Variants in DNAJC1 observed in about 807,000 individuals in gnomAD.
DNAJC1 encodes DnaJ heat shock protein family (Hsp40) member C1.
A neutral mutation model predicts 76.6 loss-of-function variants in DNAJC1; 58 were observed. The ratio of observed to expected loss-of-function variants is 0.76; its 90% confidence interval spans 0.61 to 0.94. DNAJC1 has a LOEUF of 0.94. Ranked by LOEUF, DNAJC1 falls within the 40% of genes least tolerant of loss-of-function variation. The pLI, the probability that DNAJC1 is intolerant of heterozygous loss-of-function variation, is 0.00. For synonymous variants in DNAJC1, 258 were observed against 267.9 expected, an observed-to-expected ratio of 0.96 and a Z score of 0.36; for missense variants, 689 against 677.3, an observed-to-expected ratio of 1.02 and a Z score of -0.19.
intron 8 of DNAJC1, among the ~76,000 whole-genome samples, chr10:21,810,589 A>C (rs1189501762): frequency 6.6e-6 from 1 of 152,208 alleles, no homozygotes; most frequent in Non-Finnish European, 1.5e-5. Flanking sequence ...TTGCCTTTTT[A>C]AAATGGACCC....
chr10:21,804,054 C>A, intron 9 of DNAJC1: 1 of 658,342 alleles, frequency 1.5e-6, no homozygotes, highest in Non-Finnish European at 1.9e-6. Context: ...TTGACAGCAC[C>A]AAGACTACTC....
At chr10:21,878,126 G>C (rs982673748) in intron 8 of DNAJC1, among the ~76,000 whole-genome samples, 1 of 152,060 alleles carries the variant, frequency 6.6e-6, no homozygotes, top group Non-Finnish European at 1.5e-5. Context: ...TCTGGTTCTC[G>C]AGAACACTCC....
At chr10:21,898,294 A>C (rs573693976) in intron 7 of DNAJC1, among the ~76,000 whole-genome samples, 1 of 152,314 alleles carries the variant, frequency 6.6e-6, no homozygotes, top group Non-Finnish European at 1.5e-5. Context: ...TCCTCTCCAA[A>C]CTGAAATATA....
intron 9 of DNAJC1, among the ~76,000 whole-genome samples, chr10:21,796,176 G>T (rs1834749044): frequency 1.3e-5 from 2 of 151,838 alleles, no homozygotes; most frequent in Non-Finnish European, 2.9e-5. Context: ...CACCATGTTG[G>T]CCAGGCTGGT....
At chr10:21,801,806 C>T (rs1428734074) in intron 9 of DNAJC1, among the ~76,000 whole-genome samples, 1 of 152,034 alleles carries the variant, frequency 6.6e-6, no homozygotes, top group Non-Finnish European at 1.5e-5. Flanking sequence ...ACTATGCAGC[C>T]ACAAAAAAGA....
At chr10:21,889,625 C>T (rs1836427599) in intron 7 of DNAJC1, among the ~76,000 whole-genome samples, 1 of 151,988 alleles carries the variant, frequency 6.6e-6, no homozygotes, top group Non-Finnish European at 1.5e-5. Context: ...TCAAGAATAC[C>T]CACAGTGGTC....
intron 1 of DNAJC1, among the ~76,000 whole-genome samples, chr10:22,002,663 A>C (rs1346471832): frequency 6.6e-6 from 1 of 152,166 alleles, no homozygotes. Context: ...ACGAAGTACA[A>C]AGTAAGAAAA....
In DNAJC1 at chr10:21,911,161, T is replaced by TCCA. The variant is rs1356579503; in HGVS notation, c.730-6550_730-6549insTGG. Among the ~76,000 whole-genome samples the TCCA allele has an allele frequency of 2.0e-5, 3 of 151,912 alleles. No individual in the cohort carries two copies. In the East Asian group the frequency reaches 5.8e-4, roughly 30 times the overall value. ...GGTAGGGGGAGGGAAATACCACCTGTCCTGATGGGAATAAGGAACGTGGAA... is the reference window on the plus strand; with the variant it reads ...GGTAGGGGGAGGGAAATACCACCTGTCCACCTGATGGGAATAAGGAACGTGGAA... On this transcript the variant is annotated intron_variant, in intron 6 of 11. Transcript: ENST00000376980.
At chr10:21,841,423 C>G (rs1378215455) in intron 8 of DNAJC1, among the ~76,000 whole-genome samples, 1 of 152,118 alleles carries the variant, frequency 6.6e-6, no homozygotes, top group Non-Finnish European at 1.5e-5. Flanking sequence ...CAAACAACCC[C>G]CATCAACAAG....
intron 6 of DNAJC1, among the ~76,000 whole-genome samples, chr10:21,914,829 T>C (rs775642338): frequency 3.9e-5 from 6 of 152,232 alleles, no homozygotes; most frequent in Non-Finnish European, 5.9e-5. Context: ...TAAGTGTCTA[T>C]TCATCTTTCA....
chr10:21,970,421 T>C (rs1041719404), intron 1 of DNAJC1, among the ~76,000 whole-genome samples: 15 of 151,856 alleles, frequency 9.9e-5, no homozygotes, highest in African/African-American at 3.6e-4. Context: ...ACCAAAAAAT[T>C]TAAAAATAGC....
intron 7 of DNAJC1, among the ~76,000 whole-genome samples, chr10:21,901,512 A>T (rs1019605748): frequency 1.3e-4 from 20 of 152,358 alleles, no homozygotes; most frequent in African/African-American, 4.8e-4. Context: ...TTAAAAGTTT[A>T]TAATAAAAAG....
intron 9 of DNAJC1, among the ~76,000 whole-genome samples, chr10:21,784,944 T>A (rs185907607): frequency 6.6e-6 from 1 of 152,024 alleles, no homozygotes; most frequent in African/African-American, 2.4e-5. Context: ...GAGATATACC[T>A]AATATAAATG....
intron 3 of DNAJC1, among the ~76,000 whole-genome samples, chr10:21,928,132 A>G (rs1007953711): frequency 5.9e-5 from 9 of 152,080 alleles, no homozygotes; most frequent in South Asian, 2.1e-4. Context: ...AATGGGGGGG[A>G]AAAGCACCAA....
At chr10:21,805,951 C>G (rs76450805) in intron 9 of DNAJC1, 29 bp downstream of exon 9, 7 of 1,610,568 alleles carry the variant, frequency 4.3e-6, no homozygotes, top group Non-Finnish European at 5.9e-6. Context: ...GTTTCTCTCT[C>G]TATACAATGC....
At chr10:21,829,537 A>C (rs1239463847) in intron 8 of DNAJC1, among the ~76,000 whole-genome samples, 2 of 151,972 alleles carry the variant, frequency 1.3e-5, no homozygotes, top group African/African-American at 4.8e-5. Context: ...TTTTTACTAG[A>C]GACGGGATTA....
At chr10:21,909,411 T>C (rs1219617337) in intron 6 of DNAJC1, among the ~76,000 whole-genome samples, 1 of 152,102 alleles carries the variant, frequency 6.6e-6, no homozygotes, top group Non-Finnish European at 1.5e-5. Flanking sequence ...TATGTGGTGA[T>C]TATATAAGAT....
intron 6 of DNAJC1, among the ~76,000 whole-genome samples, chr10:21,905,154 G>T (rs1836721773): frequency 6.6e-6 from 1 of 151,692 alleles, no homozygotes; most frequent in Admixed American, 6.6e-5. Flanking sequence ...AAGTCTTGAG[G>T]ATTGAGGACT....
At position 21,881,004 on chromosome 10, in the gene DNAJC1, C is replaced by G. The variant is rs143278798; in HGVS notation, c.978+1278G>C. ...TTGGCTAGATCCTCTGGATAACTTG[C>G]TGCAGCTTCTCCATAGCACTTGCTG... On this transcript the variant is annotated intron_variant, in intron 8 of 11. Transcript: ENST00000376980. Among the ~76,000 whole-genome samples the G allele has an allele frequency of 5.1e-3, 772 of 152,316 alleles. 5 individuals carry two copies. The highest frequency in any genetic ancestry group is 8.7e-3 in the Non-Finnish European group (589 of 68,020).
Sources: gnomAD v4.1 joint callset for allele counts (sites outside exome capture counted in the v4.1 genomes callset) on GRCh38, gnomAD v4.1.1 for gene constraint, MANE v1.5 for transcripts, NCBI Gene and HGNC (gene_info 2026-07-23, HGNC 2026-07-21) for gene names.